Variants in TNFSF18 observed in about 807,000 individuals in gnomAD.
The protein encoded by TNFSF18 is TNF superfamily member 18, also known as tumor necrosis factor ligand superfamily member 18.
A neutral mutation model predicts 9.6 loss-of-function variants in TNFSF18; 6 were observed. That is an observed-to-expected ratio of 0.63 (90% CI 0.34 to 1.24). The LOEUF is 1.24. Among genes scored for constraint, TNFSF18 ranks in the 50% most tolerant of loss-of-function variants. The pLI is 0.03. For synonymous variants in TNFSF18, 68 were observed against 71.7 expected, an observed-to-expected ratio of 0.95 and a Z score of 0.26; for missense variants, 210 against 201.0, an observed-to-expected ratio of 1.04 and a Z score of -0.27.
chr1:173,041,397 A>C lies in TNFSF18; in HGVS notation c.504T>G (p.Ile168Met), dbSNP rs1351723499. The C allele has an allele frequency of 6.2e-7, 1 of 1,610,750 alleles. No homozygotes were observed. The highest frequency in any genetic ancestry group is 1.3e-5 in the African/African-American group (1 of 74,740). ...VLKNNTYWGI[I>M]LLANPQFIS ...AGATGAATTGGGGATTTGCTAGTAA[A>C]ATGATACCCCAGTATGTATTATTTT... is the stretch of plus-strand genomic sequence containing the variant. Residue 168 changes from isoleucine to methionine, a missense_variant, in exon 3 of 3, where the codon ATT (isoleucine) becomes ATG (methionine). Transcript: ENST00000404377.
chr1:173,044,681 G>A (rs1646227256), intron 1 of TNFSF18, among the ~76,000 whole-genome samples: 1 of 152,186 alleles, frequency 6.6e-6, no homozygotes, highest in South Asian at 2.1e-4. Flanking sequence ...GTTTCCTAAT[G>A]GCAAAGTGCT....
Position 173,041,657 on chromosome 1 carries a change from C to T in TNFSF18, c.244G>A (p.Val82Met). Residue 82 changes from valine (V) to methionine (M), a missense_variant, in exon 3 of 3, where the codon GTG (valine) becomes ATG (methionine). By Grantham distance (21) the Val-to-Met change is conservative. Transcript: ENST00000404377. ...AGTATCTCCAGCTTCCAGTCAGACA[C>T]CTTATTCACGCAAGGAGGTTCAGAA... ...ASSEPPCVNK[V>M]SDWKLEILQN... is the part of the protein sequence containing the mutation. 8.7e-6 allele frequency: 14 copies of T among 1,613,282 alleles called. No homozygotes were observed. Among genetic ancestry groups the T allele is most frequent in the Non-Finnish European group, 1.2e-5 (14 of 1,179,528 alleles).
rs925585533 is a variant in TNFSF18 at position 173,043,859 on chromosome 1, G to C, written c.187+80C>G. On this transcript the variant is annotated intron_variant, in intron 2 of 2. Transcript: ENST00000404377. The stretch of plus-strand genomic sequence containing the variant: ...CAGAAATGAATAAAAGAAAATACAG[G>C]TTTTCTTGAGATCACTGACACCTGC... 58 of 1,245,548 alleles carry C rather than the reference G, an allele frequency of 4.7e-5. No individual in the cohort carries two copies. In the African/African-American group the frequency reaches 8.0e-4, roughly 17 times the overall value. 77.2% of individuals were successfully genotyped at this position (1,245,548 alleles called of 1,614,324 possible). A position where few individuals can be genotyped will look rare whatever the true frequency, so the allele number is the denominator to read the frequency against.
rs1486039456 is a variant in TNFSF18, at chr1:173,046,874, T to G, written c.157-2905A>C. Among the ~76,000 whole-genome samples the G allele has an allele frequency of 3.7e-5, 5 of 134,638 alleles. No homozygotes were observed. The East Asian group carries it at 2.7e-3, about 72-fold the overall frequency. 88.3% of individuals were successfully genotyped at this position (134,638 alleles called of 152,430 possible). The stretch of plus-strand genomic sequence containing the variant: ...TAAATTTTTTGATTCCCTACACTTG[T>G]TTTTTTTTGTTGTTGTTGTTGTTGT... On this transcript the variant is annotated intron_variant, in intron 1 of 2. Coordinates refer to ENST00000404377, the MANE Select transcript of TNFSF18 (RefSeq NM_005092.4).
intron 1 of TNFSF18, among the ~76,000 whole-genome samples, chr1:173,044,783 G>A (rs1203458202): frequency 6.6e-6 from 1 of 152,180 alleles, no homozygotes; most frequent in Non-Finnish European, 1.5e-5. Flanking sequence ...ACAGAGGCAA[G>A]GGCAAATGTA....
At chr1:173,046,139 A>C (rs1294287977) in intron 1 of TNFSF18, among the ~76,000 whole-genome samples, 1 of 152,160 alleles carries the variant, frequency 6.6e-6, no homozygotes, top group Admixed American at 6.6e-5. Flanking sequence ...CCTTTCAAAA[A>C]ATTTTATGTT....
chr1:173,041,490 T>A lies in TNFSF18; in HGVS notation c.411A>T (p.Gly137=). The A allele has an allele frequency of 1.9e-6, 3 of 1,613,610 alleles. No homozygotes were observed. Among genetic ancestry groups the A allele is most frequent in the Non-Finnish European group, 2.5e-6 (3 of 1,179,646 alleles). The part of the protein sequence containing the change: ...LTNKSKIQNV[G]GTYELHVGDT... ...CCCCAACATGCAATTCATAAGTCCC[T>A]CCTACATTTTGGATTTTAGATTTGT... The change falls in exon 3 of 3, where the codon GGA becomes GGT. Residue 137 remains glycine (G), a synonymous_variant. Transcript: ENST00000404377.
chr1:173,046,554 TCAC>T (rs1486623399), intron 1 of TNFSF18, among the ~76,000 whole-genome samples: 5 of 152,160 alleles, frequency 3.3e-5, no homozygotes, highest in African/African-American at 1.2e-4. Flanking sequence ...ATAAATGCAT[TCAC>T]CACGTTATTA....
chr1:173,046,882 TGTTG>T (rs375902302), intron 1 of TNFSF18, among the ~76,000 whole-genome samples: 1 of 149,046 alleles, frequency 6.7e-6, no homozygotes, highest in Non-Finnish European at 1.5e-5. Context: ...TGTTTTTTTT[TGTTG>T]TTGTTGTTGT....
At chr1:173,045,940 C>A (rs1301364848) in intron 1 of TNFSF18, among the ~76,000 whole-genome samples, 1 of 152,092 alleles carries the variant, frequency 6.6e-6, no homozygotes, top group Non-Finnish European at 1.5e-5. Context: ...CTTCTATTTT[C>A]TCTTAAAATA....
At chr1:173,044,153 T>G (rs1665035336) in intron 1 of TNFSF18, among the ~76,000 whole-genome samples, 184 bp from the exon 2 acceptor site, 1 of 152,108 alleles carries the variant, frequency 6.6e-6, no homozygotes, top group Non-Finnish European at 1.5e-5. Flanking sequence ...GCTCCATCCT[T>G]TACCTTTTAT....
At chr1:173,043,738 T>C (rs754441480) in intron 2 of TNFSF18, among the ~76,000 whole-genome samples, 2 of 152,202 alleles carry the variant, frequency 1.3e-5, no homozygotes, top group Non-Finnish European at 2.9e-5. Context: ...ACATAAGCTT[T>C]ATCAGGGCAT....
Position 173,050,725 on chromosome 1 carries a change from A to G in TNFSF18, c.156+16T>C. 6.5e-7 allele frequency: 1 copy of G among 1,533,330 alleles called. No homozygotes were observed. Among genetic ancestry groups the G allele is most frequent in the South Asian group, 1.2e-5 (1 of 84,410 alleles). 95.0% of individuals were successfully genotyped at this position (1,533,330 alleles called of 1,614,324 possible). On this transcript the variant is annotated intron_variant, in intron 1 of 2. Transcript: ENST00000404377. ...ATTATAGCAAATAGTAACCTTAGGT[A>G]CAATTGCCTCCTTACCTCTAATTGG...
At position 173,041,661 on chromosome 1, in the gene TNFSF18, A is replaced by G. The variant is rs1392850516; in HGVS notation, c.240T>C (p.Asn80=). The G allele has an allele frequency of 6.2e-7, 1 of 1,613,250 alleles. No individual in the cohort carries two copies. The highest frequency in any genetic ancestry group is 8.5e-7 in the Non-Finnish European group (1 of 1,179,540). The change falls in exon 3 of 3, where the codon AAT becomes AAC. Residue 80 remains asparagine (N), a synonymous_variant. Transcript: ENST00000404377. ...TCTCCAGCTTCCAGTCAGACACCTT[A>G]TTCACGCAAGGAGGTTCAGAAGATG... ...QMASSEPPCV[N]KVSDWKLEIL... is the part of the protein sequence containing the mutation.
rs1664973252 is a variant in TNFSF18, at chr1:173,040,571, T to C, written c.*796A>G. The C allele has an allele frequency of 6.6e-6, 1 of 152,178 alleles. No individual in the cohort carries two copies. The highest frequency in any genetic ancestry group is 1.5e-5 in the Non-Finnish European group (1 of 68,022). 9.4% of individuals were successfully genotyped at this position (152,178 alleles called of 1,614,324 possible). Reference sequence around the variant, plus strand: ...ACTGTGGAAAGCTAGCTAAAAATACTAAATCATTACATGACATAATCCAGT... The same window carrying C: ...ACTGTGGAAAGCTAGCTAAAAATACCAAATCATTACATGACATAATCCAGT... On this transcript the variant is annotated 3_prime_UTR_variant, in exon 3 of 3. Coordinates refer to ENST00000404377, the MANE Select transcript of TNFSF18 (RefSeq NM_005092.4).
intron 1 of TNFSF18, among the ~76,000 whole-genome samples, chr1:173,046,885 T>C (rs1169324005): frequency 7.5e-6 from 1 of 132,734 alleles, no homozygotes; most frequent in African/African-American, 2.6e-5. Context: ...TTTTTTTTGT[T>C]GTTGTTGTTG....
intron 2 of TNFSF18, among the ~76,000 whole-genome samples, chr1:173,042,803 C>T (rs925018388): frequency 2.0e-5 from 3 of 151,960 alleles, no homozygotes; most frequent in Non-Finnish European, 4.4e-5. Flanking sequence ...AAAAAGAAAA[C>T]TTGATGAGGA....
chr1:173,043,666 G>T (rs185793705), intron 2 of TNFSF18, among the ~76,000 whole-genome samples: 1 of 152,110 alleles, frequency 6.6e-6, no homozygotes, highest in African/African-American at 2.4e-5. Flanking sequence ...GGAGATTCCC[G>T]GATCTCAGAT....
rs1664994297 is a variant in TNFSF18 at position 173,041,637 on chromosome 1, C to T, written c.264G>A (p.Glu88=). ...CVNKVSDWKL[E]ILQNGLYLIY... is the part of the protein sequence containing the mutation. ...TTAAATATAAGCCATTCTGAAGTAT[C>T]TCCAGCTTCCAGTCAGACACCTTAT... The change falls in exon 3 of 3, where the codon GAG becomes GAA. Residue 88 remains glutamate, a synonymous_variant. Coordinates refer to ENST00000404377, the MANE Select transcript of TNFSF18 (RefSeq NM_005092.4). 2 of 1,613,406 alleles carry T rather than the reference C, an allele frequency of 1.2e-6. No homozygotes were observed. The highest frequency in any genetic ancestry group is 2.7e-5 in the African/African-American group (2 of 74,898).
Sources: gnomAD v4.1 joint callset for allele counts (sites outside exome capture counted in the v4.1 genomes callset) on GRCh38, gnomAD v4.1.1 for gene constraint, MANE v1.5 for transcripts, NCBI Gene and HGNC (gene_info 2026-07-23, HGNC 2026-07-21) for gene names.